CCT6A: variants seen among roughly 807,000 people sequenced by gnomAD.
CCT6A encodes the protein T-complex protein 1 subunit zeta.
CCT6A carries 6 observed loss-of-function variants against 58.6 expected under a neutral mutation model. The ratio of observed to expected loss-of-function variants is 0.10; its 90% CI spans 0.06 to 0.20. The LOEUF is 0.20. Ranked by LOEUF, CCT6A falls within the 10% of genes least tolerant of loss-of-function variation. The pLI is 1.00. For missense variants in CCT6A, 516 were observed against 648.8 expected (o/e 0.80, Z 2.22); for synonymous variants, 245 against 227.8 (o/e 1.08, Z -0.68).
chr7:56,056,528 G>C, intron 5 of CCT6A, 114 bp downstream of exon 5: 1 of 650,138 alleles, frequency 1.5e-6, no homozygotes, highest in South Asian at 1.7e-5. Context: ...TTCCAGACCA[G>C]CCTGGCCAAC....
chr7:56,061,361 T>C lies in CCT6A; in HGVS notation c.1348-386T>C, dbSNP rs117179065. ...CTGAAGGGAACATAAATGTTCTGTC[T>C]TTATGCAATGAGTTTTTTTTTTTTT... On this transcript the variant is annotated intron_variant, in intron 11 of 13. Transcript: ENST00000275603. 2.8e-3 allele frequency among the ~76,000 whole-genome samples: 419 copies of C among 151,330 alleles called. 6 individuals carry two copies. Among genetic ancestry groups the C allele is most frequent in the East Asian group, 0.012 (60 of 5,130 alleles).
chr7:56,055,521 G>A (rs750439311), intron 3 of CCT6A, 103 bp from the exon 4 acceptor site: 12 of 946,834 alleles, frequency 1.3e-5, no homozygotes, highest in Non-Finnish European at 1.7e-5. Context: ...CGTGTTCAAA[G>A]GTATGATGAT....
chr7:56,054,981 A>G (rs1405133379), intron 3 of CCT6A, among the ~76,000 whole-genome samples: 1 of 152,210 alleles, frequency 6.6e-6, no homozygotes, highest in Non-Finnish European at 1.5e-5. Context: ...ACCTATAGAA[A>G]GGATAGAATA....
Position 56,058,486 on chromosome 7 carries a change from G to T in CCT6A, c.850G>T (p.Asp284Tyr), listed in dbSNP as rs766996972. The part of the protein sequence containing the change: ...IIELKRKVCG[D>Y]SDKGFVVINQ... Reference sequence around the variant, plus strand: ...AGAACTGAAAAGGAAAGTCTGTGGCGATTCAGATAAAGGATTTGTTGTTAT... The same window carrying T: ...AGAACTGAAAAGGAAAGTCTGTGGCTATTCAGATAAAGGATTTGTTGTTAT... Residue 284 changes from aspartate to tyrosine, a missense_variant, in exon 7 of 14, where the codon GAT becomes TAT. By Grantham distance (160) the Asp-to-Tyr change is radical. Transcript: ENST00000275603. The T allele has an allele frequency of 6.3e-7, 1 of 1,595,678 alleles. No homozygotes were observed.
intron 12 of CCT6A, among the ~76,000 whole-genome samples, chr7:56,062,314 A>G (rs1794464965): frequency 6.6e-6 from 1 of 152,230 alleles, no homozygotes; most frequent in Admixed American, 6.5e-5. Context: ...AAAGTAGGAG[A>G]TAACAGGTAC....
At chr7:56,055,968 G>A in intron 4 of CCT6A, 171 bp downstream of exon 4, 2 of 565,516 alleles carry the variant, frequency 3.5e-6, no homozygotes, top group Middle Eastern at 4.6e-4. Flanking sequence ...TAAAATAATA[G>A]TATACCTAAC....
intron 11 of CCT6A, 49 bp from the exon 12 acceptor site, chr7:56,061,692 TTTACTA>T: frequency 3.8e-6 from 2 of 523,396 alleles, no homozygotes; most frequent in Non-Finnish European, 3.3e-6. Context: ...TTTTTTTTTT[TTTACTA>T]TCAGTTATTA....
intron 12 of CCT6A, chr7:56,062,207 A>G (rs1341378914): frequency 4.3e-6 from 1 of 232,104 alleles, no homozygotes; most frequent in African/African-American, 2.3e-5. Context: ...CCAGCTAAAG[A>G]TAGCAATTAA....
At chr7:56,056,238 T>TA in intron 4 of CCT6A, 73 bp from the exon 5 acceptor site, 1 of 823,894 alleles carries the variant, frequency 1.2e-6, no homozygotes, top group Non-Finnish European at 2.2e-6. Context: ...ACTGCCTACT[T>TA]TAGCCTTCTG....
At position 56,055,651 on chromosome 7, in the gene CCT6A, G is replaced by A; in HGVS notation, c.364G>A (p.Gly122Arg). 1.2e-6 allele frequency: 2 copies of A among 1,613,800 alleles called. No homozygotes were observed. The highest frequency in any genetic ancestry group is 1.7e-6 in the Non-Finnish European group (2 of 1,179,796). The change falls in exon 4 of 14, where the codon GGA (glycine) becomes AGA (arginine). Residue 122 changes from glycine to arginine, a missense_variant. By Grantham distance (125) the Gly-to-Arg change is moderately radical. This residue lies in a region of CCT6A where 116 missense variants were observed against 184.5 expected (regional missense o/e 0.63). Transcript: ENST00000275603. ...CCTTCATCCTAGAATAATCACTGAA[G>A]GATTTGAAGCTGCAAAGGAAAAGGC... ...EGLHPRIITE[G>R]FEAAKEKALQ...
At chr7:56,060,691 C>T (rs1794415016) in intron 10 of CCT6A, 116 bp from the exon 11 acceptor site, 1 of 1,331,352 alleles carries the variant, frequency 7.5e-7, no homozygotes, top group Admixed American at 1.8e-5. Flanking sequence ...ATGTTAGTCA[C>T]TTGTATTTTG....
chr7:56,061,042 T>A, intron 11 of CCT6A, 102 bp downstream of exon 11: 4 of 1,308,086 alleles, frequency 3.1e-6, no homozygotes, highest in Non-Finnish European at 4.2e-6. Context: ...ATAAGCAAGT[T>A]TGATCAGTTT....
chr7:56,052,745 A>C (rs1192814835), intron 2 of CCT6A, among the ~76,000 whole-genome samples: 1 of 151,506 alleles, frequency 6.6e-6, no homozygotes, highest in Non-Finnish European at 1.5e-5. Flanking sequence ...AGAGAGGTTG[A>C]CACAATCACA....
intron 11 of CCT6A, 132 bp downstream of exon 11, chr7:56,061,072 G>T: frequency 1.1e-6 from 1 of 922,870 alleles, no homozygotes; most frequent in South Asian, 1.9e-5. Flanking sequence ...CTCTAGAACA[G>T]GTATTCCTCA....
chr7:56,062,710 G>A lies in CCT6A; in HGVS notation c.1478G>A (p.Gly493Asp). 1.9e-6 allele frequency: 3 copies of A among 1,613,978 alleles called. No individual in the cohort carries two copies. Among genetic ancestry groups the A allele is most frequent in the Non-Finnish European group, 1.7e-6 (2 of 1,179,948 alleles). Residue 493 changes from glycine (G) to aspartate (D), a missense_variant, in exon 13 of 14, where the codon GGC becomes GAC. Transcript: ENST00000275603. ...GAGCCAATGGTGGCAGCAGAAGTAG[G>A]CGTATGGGATAACTATTGTGTAAAG... Reference protein sequence around the residue: ...TGEPMVAAEVGVWDNYCVKKQ... With the variant: ...TGEPMVAAEVDVWDNYCVKKQ...
At chr7:56,053,485 C>A (rs1794235133) in intron 2 of CCT6A, among the ~76,000 whole-genome samples, 1 of 152,062 alleles carries the variant, frequency 6.6e-6, no homozygotes, top group Non-Finnish European at 1.5e-5. Flanking sequence ...GGTGTGGTGG[C>A]TTATGCTTGT....
chr7:56,054,232 C>T, intron 2 of CCT6A, 137 bp from the exon 3 acceptor site: 4 of 649,538 alleles, frequency 6.2e-6, no homozygotes, highest in South Asian at 4.4e-5. Flanking sequence ...GATAGTTAAT[C>T]GAAGTAATTT....
intron 11 of CCT6A, 121 bp from the exon 12 acceptor site, chr7:56,061,626 C>T (rs558496759): frequency 1.9e-5 from 11 of 567,232 alleles, no homozygotes; most frequent in African/African-American, 1.2e-4. Context: ...GGATTACAGG[C>T]GTGAGCCACT....
At chr7:56,058,565 T>G (rs1478461552) in intron 7 of CCT6A, 44 bp downstream of exon 7, 1 of 1,575,880 alleles carries the variant, frequency 6.3e-7, no homozygotes, top group African/African-American at 1.4e-5. Context: ...GTACGTATCA[T>G]CCTTTTTACT....
Sources: allele counts gnomAD v4.1 joint callset (sites outside exome capture counted in the v4.1 genomes callset), GRCh38; gene constraint gnomAD v4.1.1; regional missense constraint gnomAD v4.1.1; transcripts MANE v1.5; gene names NCBI Gene and HGNC (gene_info 2026-07-23, HGNC 2026-07-21).